Variants in ADAMTS12 observed in about 807,000 individuals in gnomAD.
ADAMTS12 encodes ADAM metallopeptidase with thrombospondin type 1 motif 12, also known as A disintegrin and metalloproteinase with thrombospondin motifs 12.
A neutral mutation model predicts 167.8 loss-of-function variants in ADAMTS12; 118 were observed. The observed-to-expected ratio is 0.70, with a 90% confidence interval of 0.61 to 0.82. The LOEUF is 0.82. ADAMTS12 is among the 40% of genes least tolerant of loss of function. The pLI is 0.00. For synonymous variants in ADAMTS12, 704 were observed against 716.9 expected (o/e 0.98, Z 0.29); for missense variants, 1,916 against 1,998.8 (o/e 0.96, Z 0.79).
intron 7 of ADAMTS12, among the ~76,000 whole-genome samples, chr5:33,653,580 T>A (rs1241008830): frequency 6.6e-6 from 1 of 152,162 alleles, no homozygotes; most frequent in Non-Finnish European, 1.5e-5. Context: ...GGTTTATGAT[T>A]CTTGGTTGTC....
intron 2 of ADAMTS12, among the ~76,000 whole-genome samples, chr5:33,831,202 A>G (rs561114922): frequency 1.6e-3 from 242 of 152,358 alleles, no homozygotes; most frequent in African/African-American, 4.5e-3. Flanking sequence ...TGCTACAGAT[A>G]TTAACTCATT....
intron 3 of ADAMTS12, among the ~76,000 whole-genome samples, chr5:33,711,311 ACCCT>A (rs1224275421): frequency 1.3e-5 from 2 of 152,058 alleles, no homozygotes; most frequent in Non-Finnish European, 2.9e-5. Context: ...AGGGGTGTCC[ACCCT>A]CGGTGACCCA....
chr5:33,826,586 G>GTGTA (rs1303599710), intron 2 of ADAMTS12, among the ~76,000 whole-genome samples: 2 of 149,504 alleles, frequency 1.3e-5, no homozygotes, highest in East Asian at 2.0e-4. Flanking sequence ...GTGTGTGTGT[G>GTGTA]TATATATATA....
chr5:33,613,615 T>C (rs1738838397), intron 16 of ADAMTS12, among the ~76,000 whole-genome samples: 1 of 152,056 alleles, frequency 6.6e-6, no homozygotes, highest in African/African-American at 2.4e-5. Flanking sequence ...TGAAGCAGAG[T>C]CTTCTAACCT....
chr5:33,557,862 T>A (rs1427540886), intron 20 of ADAMTS12, among the ~76,000 whole-genome samples: 2 of 152,042 alleles, frequency 1.3e-5, no homozygotes, highest in African/African-American at 4.8e-5. Flanking sequence ...CGACCTCCTG[T>A]CAGATCAGCA....
At chr5:33,814,105 A>G (rs887745377) in intron 2 of ADAMTS12, among the ~76,000 whole-genome samples, 3 of 152,216 alleles carry the variant, frequency 2.0e-5, no homozygotes, top group Admixed American at 1.3e-4. Flanking sequence ...TTTAATTAGA[A>G]TGAAATCCAA....
intron 2 of ADAMTS12, among the ~76,000 whole-genome samples, chr5:33,785,107 C>A (rs1233014556): frequency 6.6e-6 from 1 of 151,986 alleles, no homozygotes; most frequent in Non-Finnish European, 1.5e-5. Flanking sequence ...AGGCTTTTCA[C>A]TGGATATCCA....
intron 3 of ADAMTS12, among the ~76,000 whole-genome samples, chr5:33,692,371 G>C (rs1742583188): frequency 1.3e-5 from 2 of 152,174 alleles, no homozygotes; most frequent in African/African-American, 4.8e-5. Flanking sequence ...AGGAGCCTGG[G>C]TTCCTGATTG....
At chr5:33,699,830 G>C (rs748173753) in intron 3 of ADAMTS12, among the ~76,000 whole-genome samples, 2 of 152,114 alleles carry the variant, frequency 1.3e-5, no homozygotes, top group Non-Finnish European at 2.9e-5. Flanking sequence ...CAAAGGACTA[G>C]TATCAAGAAT....
chr5:33,868,494 C>A (rs143086988), intron 2 of ADAMTS12, among the ~76,000 whole-genome samples: 1 of 152,192 alleles, frequency 6.6e-6, no homozygotes, highest in East Asian at 1.9e-4. Context: ...TTTTGTTATA[C>A]ATTAGCAAAC....
chr5:33,698,552 T>G (rs2112292149), intron 3 of ADAMTS12, among the ~76,000 whole-genome samples: 1 of 152,346 alleles, frequency 6.6e-6, no homozygotes, highest in Admixed American at 6.5e-5. Context: ...GCTTTACAGC[T>G]CACAGAGCTA....
In ADAMTS12 at chr5:33,860,792, C is replaced by T. The variant is rs368557001; in HGVS notation, c.489+20327G>A. Reference sequence around the variant, plus strand: ...TTAAGTGCAGCCAGAGAGAAAGGTCCGGTTACCCACAAAAGGAAGCCCATC... The same window carrying T: ...TTAAGTGCAGCCAGAGAGAAAGGTCTGGTTACCCACAAAAGGAAGCCCATC... On this transcript the variant is annotated intron_variant, in intron 2 of 23. Coordinates refer to ENST00000504830, the MANE Select transcript of ADAMTS12 (RefSeq NM_030955.4). Among the ~76,000 whole-genome samples the T allele has an allele frequency of 6.6e-5, 10 of 152,152 alleles. No individual in the cohort carries two copies. The East Asian group carries it at 1.2e-3, about 18-fold the overall frequency.
chr5:33,718,138 T>A (rs1393707685), intron 3 of ADAMTS12, among the ~76,000 whole-genome samples: 1 of 152,246 alleles, frequency 6.6e-6, no homozygotes, highest in African/African-American at 2.4e-5. Context: ...CAGTCTAACA[T>A]GCGCCACAGA....
At chr5:33,628,188 C>A (rs1369874643) in intron 13 of ADAMTS12, among the ~76,000 whole-genome samples, 2 of 151,990 alleles carry the variant, frequency 1.3e-5, no homozygotes, top group Non-Finnish European at 2.9e-5. Context: ...AGTCCAGGAG[C>A]TGAAGTCAAC....
chr5:33,797,888 AT>A (rs1746841868), intron 2 of ADAMTS12, among the ~76,000 whole-genome samples: 1 of 152,242 alleles, frequency 6.6e-6, no homozygotes, highest in Non-Finnish European at 1.5e-5. Flanking sequence ...TGTTATTTAA[AT>A]TGCAATTTTC....
chr5:33,695,310 G>A (rs971462014), intron 3 of ADAMTS12, among the ~76,000 whole-genome samples: 1 of 152,146 alleles, frequency 6.6e-6, no homozygotes, highest in Non-Finnish European at 1.5e-5. Context: ...AGAACAAAGT[G>A]ACAAGAAAGC....
intron 11 of ADAMTS12, 39 bp downstream of exon 11, chr5:33,641,771 A>G (rs1740454569): frequency 5.3e-6 from 8 of 1,516,802 alleles, no homozygotes; most frequent in Non-Finnish European, 7.1e-6. Flanking sequence ...CGCCCCCAGC[A>G]CATGTGGAGA....
At chr5:33,583,161 T>C (rs192544549) in intron 18 of ADAMTS12, among the ~76,000 whole-genome samples, 12 of 152,314 alleles carry the variant, frequency 7.9e-5, no homozygotes, top group African/African-American at 2.6e-4. Context: ...TTCTAGCCTC[T>C]AGTAACTATC....
In ADAMTS12 at chr5:33,637,734, TC is replaced by T. The variant is rs1435453065; in HGVS notation, c.1730del (p.Gly577GlufsTer64). On this transcript the variant is annotated frameshift_variant, in exon 12 of 24. Transcript: ENST00000504830. LOFTEE classifies it high-confidence loss of function. Reference protein sequence around the residue: ...RLCNNPEPKFGGKYCTGERKR... With the variant: ...RLCNNPEPKFXGKYCTGERKR... Reference sequence around the variant, plus strand: ...TTCTTTCTCCAGTGCAATATTTCCCTCCAAACTTTGGCCTGCAAATGAAACA... The same window carrying T: ...TTCTTTCTCCAGTGCAATATTTCCCTCAAACTTTGGCCTGCAAATGAAACA... 1 of 1,612,772 alleles carries T rather than the reference TC, an allele frequency of 6.2e-7. No homozygotes were observed. The highest frequency in any genetic ancestry group is 1.1e-5 in the South Asian group (1 of 90,898).
Sources: allele counts gnomAD v4.1 joint callset (sites outside exome capture counted in the v4.1 genomes callset), GRCh38; gene constraint gnomAD v4.1.1; transcripts MANE v1.5; gene names NCBI Gene and HGNC (gene_info 2026-07-23, HGNC 2026-07-21).